SSR3: variants seen among roughly 807,000 people sequenced by gnomAD.
SSR3 encodes signal sequence receptor subunit 3.
In SSR3, 10 loss-of-function variants were observed where a neutral mutation model predicts 22.1. The observed-to-expected ratio is 0.45, with a 90% CI of 0.28 to 0.77. The LOEUF (loss-of-function observed/expected upper bound fraction) is 0.77, where lower values mean the gene tolerates loss of function less well. Ranked by LOEUF, SSR3 falls within the 30% of genes least tolerant of loss-of-function variation. SSR3 has a pLI of 0.13. For synonymous variants in SSR3, 104 were observed against 82.5 expected (o/e 1.26, Z -1.42); for missense variants, 181 against 220.5 (o/e 0.82, Z 1.13).
rs1720047591 is a variant in SSR3, at chr3:156,553,742, G to A, written c.173C>T (p.Ser58Phe). The A allele has an allele frequency of 6.2e-7, 1 of 1,612,576 alleles. No individual in the cohort carries two copies. ...GGTCATCACACTATACAAAACAGCA[G>A]ACTGAATAAGATCCATATGCCATAT... ...WRIWHMDLIQ[S>F]AVLYSVMTLV... Residue 58 changes from serine to phenylalanine, a missense_variant, in exon 2 of 5, where the codon TCT becomes TTT. Coordinates refer to ENST00000265044, the MANE Select transcript of SSR3 (RefSeq NM_007107.5).
At chr3:156,546,434 AC>A (rs1719765478) in intron 3 of SSR3, among the ~76,000 whole-genome samples, 1 of 152,180 alleles carries the variant, frequency 6.6e-6, no homozygotes, top group Non-Finnish European at 1.5e-5. Flanking sequence ...TAATACAAGA[AC>A]CATTTTCAAA....
chr3:156,555,061 T>G lies in SSR3; in HGVS notation c.29A>C (p.Gln10Pro), dbSNP rs978230261. Residue 10 changes from glutamine (Q) to proline (P), a missense_variant, in exon 1 of 5, where the codon CAG becomes CCG. Transcript: ENST00000265044. MAPKGSSKQQSEEDLLLQDF... is the reference protein window; with the variant it reads MAPKGSSKQPSEEDLLLQDF... ...CTGCAGGAGCAGGTCCTCCTCAGAC[T>G]GCTGTTTGGAGCTGCCTTTAGGAGC... 6.2e-7 allele frequency: 1 copy of G among 1,613,790 alleles called. No homozygotes were observed. Among genetic ancestry groups the G allele is most frequent in the African/African-American group, 1.3e-5 (1 of 74,924 alleles).
chr3:156,541,102 C>T lies in SSR3; in HGVS notation c.*2101G>A, dbSNP rs1719467864. 6.6e-6 allele frequency: 1 copy of T among 152,214 alleles called. No homozygotes were observed. Among genetic ancestry groups the T allele is most frequent in the Non-Finnish European group, 1.5e-5 (1 of 68,032 alleles). 9.4% of individuals were successfully genotyped at this position (152,214 alleles called of 1,614,324 possible). ...TTTGCTCACTCATTTTCCTACAAAT[C>T]TTCAGTTTATTAATTCAAGAGAAAC... is the stretch of plus-strand genomic sequence containing the variant. On this transcript the variant is annotated 3_prime_UTR_variant, in exon 5 of 5. Coordinates refer to ENST00000265044, the MANE Select transcript of SSR3 (RefSeq NM_007107.5).
rs1483813083 is a variant in SSR3, at chr3:156,542,873, A to G, written c.*330T>C. On this transcript the variant is annotated 3_prime_UTR_variant, in exon 5 of 5. Coordinates refer to ENST00000265044, the MANE Select transcript of SSR3 (RefSeq NM_007107.5). ...TAACTTCCTACTACTATTATATAAT[A>G]AATAATAACAGCTCGGCCCAGGTTA... is the stretch of plus-strand genomic sequence containing the variant. 1.2e-5 allele frequency: 3 copies of G among 245,028 alleles called. No homozygotes were observed. In the Admixed American group the frequency reaches 1.5e-4, roughly 13 times the overall value. The allele number at this position is 245,028 out of a possible 1,614,324, so 15.2% of individuals were successfully genotyped here.
intron 3 of SSR3, among the ~76,000 whole-genome samples, chr3:156,546,370 C>A (rs1719762066): frequency 6.6e-6 from 1 of 152,204 alleles, no homozygotes; most frequent in Non-Finnish European, 1.5e-5. Flanking sequence ...TTAAACTTTT[C>A]TTTATAAATT....
chr3:156,553,541 A>AAT lies in SSR3; in HGVS notation c.260+112_260+113dup, dbSNP rs963500403. The AAT allele has an allele frequency of 2.5e-5, 26 of 1,057,534 alleles. No individual in the cohort carries two copies. The African/African-American group carries it at 2.9e-4, about 12-fold the overall frequency. The allele number at this position is 1,057,534 out of a possible 1,614,324, so 65.5% of individuals were successfully genotyped here. A position where few individuals can be genotyped will look rare whatever the true frequency, so the allele number is the denominator to read the frequency against. ...GTTCCTTTCCCCCAAAATGTTTATTAATATATATATCTCAAATTAATGCTT... is the reference window on the plus strand; with the variant it reads ...GTTCCTTTCCCCCAAAATGTTTATTAATATATATATATCTCAAATTAATGCTT... On this transcript the variant is annotated intron_variant, in intron 2 of 4. Transcript: ENST00000265044.
Position 156,540,498 on chromosome 3 carries a change from C to T in SSR3, c.*2705G>A, listed in dbSNP as rs13068904. On this transcript the variant is annotated 3_prime_UTR_variant, in exon 5 of 5. Coordinates refer to ENST00000265044, the MANE Select transcript of SSR3 (RefSeq NM_007107.5). ...GCGGGCGCCTGTAGTCCCAGCTACTCGGCAGGCTGAGGCAGGAGAATGGCG... is the reference window on the plus strand; with the variant it reads ...GCGGGCGCCTGTAGTCCCAGCTACTTGGCAGGCTGAGGCAGGAGAATGGCG... The T allele has an allele frequency of 0.1, 15,045 of 149,078 alleles. 795 individuals are homozygous for T. The highest frequency in any genetic ancestry group is 0.11 in the Non-Finnish European group (7,700 of 67,652). 9.2% of individuals were successfully genotyped at this position (149,078 alleles called of 1,614,324 possible).
intron 3 of SSR3, among the ~76,000 whole-genome samples, chr3:156,548,587 T>C (rs1719842431): frequency 6.6e-6 from 1 of 152,194 alleles, no homozygotes; most frequent in Non-Finnish European, 1.5e-5. Context: ...ATCTACCATG[T>C]ACTAATTCAG....
At chr3:156,554,266 G>GA (rs1252917685) in intron 1 of SSR3, 1 of 152,626 alleles carries the variant, frequency 6.6e-6, no homozygotes, top group Non-Finnish European at 1.5e-5. Flanking sequence ...GGACAAAAGA[G>GA]AAAAATACAT....
intron 4 of SSR3, 39 bp from the exon 5 acceptor site, chr3:156,543,308 C>A: frequency 6.4e-7 from 1 of 1,566,216 alleles, no homozygotes; most frequent in Non-Finnish European, 8.8e-7. Flanking sequence ...TGAGTAACTC[C>A]AAATTGGTTT....
intron 2 of SSR3, among the ~76,000 whole-genome samples, chr3:156,550,891 C>A (rs1719927484): frequency 6.7e-6 from 1 of 150,146 alleles, no homozygotes; most frequent in Admixed American, 6.6e-5. Context: ...TGAAATTCCA[C>A]TAGCATCCCC....
chr3:156,540,811 A>T lies in SSR3; in HGVS notation c.*2392T>A, dbSNP rs1163214587. On this transcript the variant is annotated 3_prime_UTR_variant, in exon 5 of 5. Transcript: ENST00000265044. ...GGTATGTGGTCTTTTTAAGACAAAAATTCTACAGCATGGTTTTACTAAGTC... is the reference window on the plus strand; with the variant it reads ...GGTATGTGGTCTTTTTAAGACAAAATTTCTACAGCATGGTTTTACTAAGTC... 4 of 152,150 alleles carry T rather than the reference A, an allele frequency of 2.6e-5. No individual in the cohort carries two copies. The highest frequency in any genetic ancestry group is 2.6e-4 in the Admixed American group (4 of 15,274). 9.4% of individuals were successfully genotyped at this position (152,150 alleles called of 1,614,324 possible).
At chr3:156,547,568 G>C (rs1002413959) in intron 3 of SSR3, among the ~76,000 whole-genome samples, 1 of 152,130 alleles carries the variant, frequency 6.6e-6, no homozygotes. Context: ...CAATTGGAAA[G>C]CTATGCAGCC....
At chr3:156,553,253 C>T (rs562614244) in intron 2 of SSR3, among the ~76,000 whole-genome samples, 1 of 148,418 alleles carries the variant, frequency 6.7e-6, no homozygotes, top group Non-Finnish European at 1.5e-5. Context: ...TAGACCTTGT[C>T]TCAAAAAATA....
intron 3 of SSR3, 169 bp downstream of exon 3, chr3:156,548,736 G>A: frequency 1.3e-6 from 1 of 756,506 alleles, no homozygotes; most frequent in Non-Finnish European, 2.1e-6. Context: ...GTATCTGGTT[G>A]TAATAAAAAC....
chr3:156,544,554 A>G (rs1719693082), intron 3 of SSR3, 115 bp from the exon 4 acceptor site: 1 of 772,226 alleles, frequency 1.3e-6, no homozygotes, highest in South Asian at 4.2e-5. Flanking sequence ...GTTCTAGGGT[A>G]AGAATGTGTT....
intron 3 of SSR3, among the ~76,000 whole-genome samples, chr3:156,548,083 G>GT (rs1719824964): frequency 6.6e-6 from 1 of 152,184 alleles, no homozygotes; most frequent in African/African-American, 2.4e-5. Flanking sequence ...GCAAAGTGGG[G>GT]TAAAAAATAT....
chr3:156,546,957 A>G (rs1452899333), intron 3 of SSR3, among the ~76,000 whole-genome samples: 1 of 152,228 alleles, frequency 6.6e-6, no homozygotes, highest in Non-Finnish European at 1.5e-5. Flanking sequence ...AAGCAAAGAA[A>G]TGCTGATAAG....
intron 4 of SSR3, among the ~76,000 whole-genome samples, chr3:156,543,540 T>C (rs991418869): frequency 3.9e-5 from 6 of 152,214 alleles, no homozygotes; most frequent in Non-Finnish European, 5.9e-5. Context: ...CTGAATTCCA[T>C]TTAACCTTCA....
Sources: allele counts gnomAD v4.1 joint callset (sites outside exome capture counted in the v4.1 genomes callset), GRCh38; gene constraint gnomAD v4.1.1; transcripts MANE v1.5; gene names NCBI Gene and HGNC (gene_info 2026-07-23, HGNC 2026-07-21).